RYR1: variants seen among roughly 807,000 people sequenced by gnomAD.
The protein encoded by RYR1 is ryanodine receptor 1.
In RYR1, 342 loss-of-function variants were observed where a neutral mutation model predicts 583.5. That is an observed-to-expected ratio of 0.59 (90% CI 0.54 to 0.64). The LOEUF is 0.64. Among genes scored for constraint, RYR1 ranks in the 30% least tolerant of loss-of-function variants. The probability of loss-of-function intolerance (pLI) is 0.00; values close to 1 mark genes in which losing one functional copy is unlikely to be tolerated. For missense variants in RYR1, 6,032 were observed against 6,917.2 expected (o/e 0.87, Z 4.54); for synonymous variants, 2,791 against 2,822.5 (o/e 0.99, Z 0.35).
Position 38,492,581 on chromosome 19 carries a change from G to A in RYR1, c.6219G>A (p.Val2073=). The change falls in exon 38 of 106, where the codon GTG becomes GTA. Residue 2073 remains valine, a synonymous_variant. Transcript: ENST00000359596. ...GCCTGTTGGAGAAAGTGCGGCTGGT[G>A]AAGAAGAAGGAAGAGAAACCTGAGG... ...LMSLLEKVRL[V]KKKEEKPEEE... 1 of 1,600,504 alleles carries A rather than the reference G, an allele frequency of 6.2e-7. No individual in the cohort carries two copies. Among genetic ancestry groups the A allele is most frequent in the Non-Finnish European group, 8.5e-7 (1 of 1,171,670 alleles).
At chr19:38,564,444 G>A (rs999855119) in intron 90 of RYR1, among the ~76,000 whole-genome samples, 2 of 152,124 alleles carry the variant, frequency 1.3e-5, no homozygotes, top group African/African-American at 2.4e-5. Context: ...GGGATCATGT[G>A]AACCCTGGGG....
chr19:38,511,491 C>T (rs1177325157), intron 60 of RYR1, 70 bp from the exon 61 acceptor site: 32 of 1,525,048 alleles, frequency 2.1e-5, no homozygotes, highest in East Asian at 1.1e-4. Flanking sequence ...AATTGGGTCA[C>T]GCTGTCCTCG....
At chr19:38,527,829 G>T in intron 73 of RYR1, 45 bp downstream of exon 73, 1 of 1,610,228 alleles carries the variant, frequency 6.2e-7, no homozygotes. Context: ...TCTGGGCGGA[G>T]CCTGGCGGGG....
Position 38,512,562 on chromosome 19 carries a change from C to T in RYR1, c.9472+79C>T. 2 of 1,344,472 alleles carry T rather than the reference C, an allele frequency of 1.5e-6. No homozygotes were observed. The highest frequency in any genetic ancestry group is 2.1e-6 in the Non-Finnish European group (2 of 948,694). The allele number at this position is 1,344,472 out of a possible 1,614,324, so 83.3% of individuals were successfully genotyped here. On this transcript the variant is annotated intron_variant, in intron 63 of 105. Coordinates refer to ENST00000359596, the MANE Select transcript of RYR1 (RefSeq NM_000540.3). This position sits in a 1 kb window ranked among gnomAD's most constrained non-coding sequence, Gnocchi z 5.1. The stretch of plus-strand genomic sequence containing the variant: ...ACCCATCCGGGTGCCTGTGAGAGTC[C>T]CTGGGTGTTTGAATGTGTGGATTTC...
chr19:38,543,617 C>T lies in RYR1; in HGVS notation c.11864C>T (p.Ser3955Leu), dbSNP rs751225696. Reference sequence around the variant, plus strand: ...AAGAGGAACTTCTCCAAAGCCATGTCGGTGGCTAAGCAGGTGTTCAACAGC... The same window carrying T: ...AAGAGGAACTTCTCCAAAGCCATGTTGGTGGCTAAGCAGGTGTTCAACAGC... ...QGKRNFSKAM[S>L]VAKQVFNSLT... Residue 3955 changes from serine (S) to leucine (L), a missense_variant, in exon 86 of 106, where the codon TCG (serine) becomes TTG (leucine). Around this residue, in one of 11 missense-constraint regions of RYR1, gnomAD observed 82 missense variants for 139.7 expected, o/e 0.59. Coordinates refer to ENST00000359596, the MANE Select transcript of RYR1 (RefSeq NM_000540.3). This position sits in a 1 kb window ranked among gnomAD's most constrained non-coding sequence, Gnocchi z 4.4. 3.1e-6 allele frequency: 5 copies of T among 1,614,024 alleles called. No homozygotes were observed. The highest frequency in any genetic ancestry group is 2.2e-5 in the South Asian group (2 of 91,084).
At position 38,480,838 on chromosome 19, in the gene RYR1, G is replaced by A. The variant is rs192142488; in HGVS notation, c.4621-2189G>A. On this transcript the variant is annotated intron_variant, in intron 31 of 105. Transcript: ENST00000359596. ...TGGCTCACTGCAACCTTCGCCTCCC[G>A]GGCTCAAGCCTCCTAAGTATGTGAG... Among the ~76,000 whole-genome samples the A allele has an allele frequency of 6.6e-5, 10 of 151,416 alleles. 1 individual carries two copies. Among genetic ancestry groups the A allele is most frequent in the South Asian group, 2.1e-4 (1 of 4,786 alleles).
intron 64 of RYR1, 82 bp downstream of exon 64, chr19:38,515,189 A>G: frequency 9.6e-7 from 1 of 1,038,662 alleles, no homozygotes; most frequent in Non-Finnish European, 1.5e-6. Flanking sequence ...GGGGTGGGTG[A>G]AAAGCAGGGT....
intron 24 of RYR1, 77 bp from the exon 25 acceptor site, chr19:38,467,533 G>T: frequency 2.0e-6 from 3 of 1,497,990 alleles, no homozygotes; most frequent in Non-Finnish European, 2.8e-6. Context: ...CCCAAAGCCT[G>T]TCTTCTACCA....
intron 96 of RYR1, among the ~76,000 whole-genome samples, chr19:38,574,437 G>C (rs1973867147): frequency 6.6e-6 from 1 of 151,600 alleles, no homozygotes; most frequent in South Asian, 2.1e-4. Context: ...GGACAACATA[G>C]AGAGACCTAT....
intron 25 of RYR1, among the ~76,000 whole-genome samples, chr19:38,468,536 T>G (rs1968247506): frequency 6.6e-6 from 1 of 152,238 alleles, no homozygotes. Context: ...TGTCCAGCCA[T>G]GTACCCAATT....
At position 38,561,412 on chromosome 19, in the gene RYR1, C is replaced by G. The variant is rs753263342; in HGVS notation, c.12582C>G (p.Phe4194Leu). 1.9e-6 allele frequency: 3 copies of G among 1,612,464 alleles called. No individual in the cohort carries two copies. The highest frequency in any genetic ancestry group is 2.2e-5 in the East Asian group (1 of 44,882). ...GASRRIERIY[F>L]EISETNRAQW... ...CACGCCGCATCGAGCGCATCTACTT[C>G]GAGATCTCAGAGACCAACCGCGCCC... The change falls in exon 90 of 106, where the codon TTC becomes TTG. Residue 4194 changes from phenylalanine (F) to leucine (L), a missense_variant. By Grantham distance (22) the Phe-to-Leu change is conservative. Around this residue, in one of 11 missense-constraint regions of RYR1, gnomAD observed 753 missense variants for 759.6 expected, o/e 0.99. Coordinates refer to ENST00000359596, the MANE Select transcript of RYR1 (RefSeq NM_000540.3). This position sits in a 1 kb window ranked among gnomAD's most constrained non-coding sequence, Gnocchi z 4.8.
intron 3 of RYR1, among the ~76,000 whole-genome samples, chr19:38,442,982 G>A (rs920709814): frequency 1.3e-5 from 2 of 152,208 alleles, no homozygotes; most frequent in Admixed American, 6.5e-5. Flanking sequence ...CCCCCATGGC[G>A]CCCTTGGAGC....
intron 68 of RYR1, 49 bp downstream of exon 68, chr19:38,523,164 C>T: frequency 6.2e-7 from 1 of 1,614,012 alleles, no homozygotes; most frequent in Non-Finnish European, 8.5e-7. Flanking sequence ...GAGCCGCAGC[C>T]CACAGGCGCC....
At chr19:38,460,741 G>T (rs1967692493) in intron 20 of RYR1, 150 bp downstream of exon 20, 3 of 751,570 alleles carry the variant, frequency 4.0e-6, no homozygotes, top group South Asian at 1.6e-5. Context: ...AATTTGGGAG[G>T]CCGAGGCGGG....
intron 42 of RYR1, 50 bp downstream of exon 42, chr19:38,497,004 C>G: frequency 1.3e-6 from 2 of 1,517,566 alleles, no homozygotes; most frequent in South Asian, 2.3e-5. Context: ...AATCGGGCCG[C>G]TACCCGGCTG....
chr19:38,517,313 T>C (rs1007564065), intron 65 of RYR1, 46 bp from the exon 66 acceptor site: 3 of 1,594,956 alleles, frequency 1.9e-6, no homozygotes, highest in Non-Finnish European at 2.6e-6. Context: ...CACTGAGGTC[T>C]GGGGGTGATG....
At chr19:38,506,579 C>T (rs769684586) in intron 56 of RYR1, 33 bp downstream of exon 56, 2 of 1,610,360 alleles carry the variant, frequency 1.2e-6, no homozygotes, top group South Asian at 1.1e-5. Flanking sequence ...CACGCTACCC[C>T]CGTGGATTCA....
At chr19:38,525,290 G>A (rs1971417002) in intron 70 of RYR1, 42 bp from the exon 71 acceptor site, 2 of 1,613,046 alleles carry the variant, frequency 1.2e-6, no homozygotes, top group African/African-American at 2.7e-5. Flanking sequence ...CTGAGGCATG[G>A]GATTGGGGCT....
intron 1 of RYR1, among the ~76,000 whole-genome samples, chr19:38,436,012 G>T (rs1024728887): frequency 6.6e-6 from 1 of 151,368 alleles, no homozygotes; most frequent in African/African-American, 2.5e-5. Flanking sequence ...GGGTTCAAGC[G>T]ATTCTTCTGC....
Sources: gnomAD v4.1 joint callset for allele counts (sites outside exome capture counted in the v4.1 genomes callset) on GRCh38, gnomAD v4.1.1 for gene constraint, gnomAD v4.1.1 regional missense constraint, Gnocchi (gnomAD v3.1) non-coding constraint, MANE v1.5 for transcripts, NCBI Gene and HGNC (gene_info 2026-07-23, HGNC 2026-07-21) for gene names.